The following MRPS6 variants were observed in gnomAD, a reference collection of about 807,000 sequenced individuals.
The protein encoded by MRPS6 is mitochondrial ribosomal protein S6.
Under a neutral mutation model 13.1 loss-of-function variants are expected in MRPS6, and 6 were observed. That is an observed-to-expected ratio of 0.46 (90% CI 0.25 to 0.91). MRPS6 has a LOEUF of 0.91. MRPS6 is among the 40% of genes least tolerant of loss of function. MRPS6 has a pLI of 0.18. For missense variants in MRPS6, 164 were observed against 155.6 expected, an observed-to-expected ratio of 1.05 and a Z score of -0.29; for synonymous variants, 61 against 56.5, an observed-to-expected ratio of 1.08 and a Z score of -0.36.
chr21:34,081,137 A>G (rs1989449644), intron 1 of MRPS6, among the ~76,000 whole-genome samples: 6 of 152,142 alleles, frequency 3.9e-5, no homozygotes, highest in Admixed American at 3.9e-4. Context: ...AAGAAAAATA[A>G]CTAGGAGGAT....
intron 1 of MRPS6, among the ~76,000 whole-genome samples, chr21:34,078,426 C>A (rs1339380837): frequency 1.3e-5 from 2 of 152,080 alleles, no homozygotes; most frequent in Non-Finnish European, 2.9e-5. Context: ...CCTTCCTCAC[C>A]AGATATGGTT....
At chr21:34,100,521 T>G in intron 1 of MRPS6, 1 of 1,000,264 alleles carries the variant, frequency 1.0e-6, no homozygotes, top group Non-Finnish European at 1.2e-6. Flanking sequence ...CTCCTAGGGC[T>G]TCCTTTTCAC....
intron 1 of MRPS6, chr21:34,123,450 A>G (rs563338130): frequency 1.3e-5 from 2 of 152,068 alleles, no homozygotes; most frequent in Admixed American, 6.5e-5. Flanking sequence ...GATGGTTTCC[A>G]CAGCTTTCCT....
intron 1 of MRPS6, chr21:34,122,034 C>G (rs1259773139): frequency 6.6e-6 from 1 of 152,226 alleles, no homozygotes; most frequent in African/African-American, 2.4e-5. Flanking sequence ...GTCAGTGGCC[C>G]AGGCTCATGG....
chr21:34,093,749 T>A (rs1006329632), intron 1 of MRPS6, among the ~76,000 whole-genome samples: 3 of 152,348 alleles, frequency 2.0e-5, no homozygotes, highest in African/African-American at 7.2e-5. Context: ...TATTTGTCTC[T>A]TTTTCAGGAG....
chr21:34,128,471 A>C (rs1980385915), intron 2 of MRPS6, among the ~76,000 whole-genome samples: 1 of 152,180 alleles, frequency 6.6e-6, no homozygotes, highest in African/African-American at 2.4e-5. Flanking sequence ...AAATCTGCCC[A>C]GAGGAGGAGG....
At chr21:34,121,002 C>T (rs1279121570) in intron 1 of MRPS6, among the ~76,000 whole-genome samples, 1 of 150,954 alleles carries the variant, frequency 6.6e-6, no homozygotes, top group African/African-American at 2.5e-5. Flanking sequence ...GTACAATTAG[C>T]ACAGCTATTT....
At chr21:34,103,403 G>T in intron 1 of MRPS6, 1 of 994,886 alleles carries the variant, frequency 1.0e-6, no homozygotes, top group Non-Finnish European at 1.2e-6. Context: ...TTCTGTATTT[G>T]TGTTGTAGCC....
In MRPS6 at chr21:34,142,701, G is replaced by T. The variant is rs1980946874; in HGVS notation, c.*101G>T. The T allele has an allele frequency of 7.6e-6, 10 of 1,323,424 alleles. No homozygotes were observed. The highest frequency in any genetic ancestry group is 9.9e-6 in the Non-Finnish European group (10 of 1,012,936). 82.0% of individuals were successfully genotyped at this position (1,323,424 alleles called of 1,614,324 possible). ...AAGTTTGGCCTTTATATAAGCATGT[G>T]TTGCAGGTGCTGTTTGATTTTTCTA... On this transcript the variant is annotated 3_prime_UTR_variant, in exon 3 of 3. Coordinates refer to ENST00000399312, the MANE Select transcript of MRPS6 (RefSeq NM_032476.4).
intron 1 of MRPS6, among the ~76,000 whole-genome samples, chr21:34,079,176 CAGTTGAAT>C (rs1294184617): frequency 6.6e-6 from 1 of 152,110 alleles, no homozygotes; most frequent in East Asian, 1.9e-4. Flanking sequence ...AAAGATTTTA[CAGTTGAAT>C]AGGTGGGGAA....
intron 1 of MRPS6, among the ~76,000 whole-genome samples, chr21:34,079,392 T>G (rs1290024647): frequency 6.6e-6 from 1 of 152,144 alleles, no homozygotes; most frequent in Non-Finnish European, 1.5e-5. Flanking sequence ...CTTGGCTTCT[T>G]ATGCTGCTGT....
chr21:34,098,657 G>A (rs1278752165), intron 1 of MRPS6: 2 of 1,000,128 alleles, frequency 2.0e-6, no homozygotes, highest in Admixed American at 1.2e-4. Context: ...TGCCAAACAA[G>A]AACTTTTGGG....
intron 2 of MRPS6, among the ~76,000 whole-genome samples, chr21:34,142,077 A>G (rs933244246): frequency 2.6e-5 from 4 of 152,216 alleles, no homozygotes; most frequent in East Asian, 1.9e-4. Context: ...AGTCTCGTCA[A>G]TGGATTAGAA....
chr21:34,101,716 T>G, intron 1 of MRPS6: 1 of 997,050 alleles, frequency 1.0e-6, no homozygotes, highest in Non-Finnish European at 1.2e-6. Flanking sequence ...TTGAGGACTT[T>G]TAGATCCAAA....
chr21:34,096,413 G>C lies in MRPS6; in HGVS notation c.45+22668G>C. 4 of 1,614,200 alleles carry C rather than the reference G, an allele frequency of 2.5e-6. No homozygotes were observed. The highest frequency in any genetic ancestry group is 3.4e-6 in the Non-Finnish European group (4 of 1,180,030). On this transcript the variant is annotated intron_variant, in intron 1 of 2. Transcript: ENST00000399312. The surrounding 1 kb of genome is among the most constrained non-coding windows in gnomAD (Gnocchi z 5.9). ...TTATCCGCAAGAGCGCAAGCTCCCG[G>C]GAGTTAATGATTGTGGGGAGGATAT... is the stretch of plus-strand genomic sequence containing the variant.
At chr21:34,117,090 A>G (rs994547813) in intron 1 of MRPS6, among the ~76,000 whole-genome samples, 2 of 152,184 alleles carry the variant, frequency 1.3e-5, no homozygotes, top group Non-Finnish European at 2.9e-5. Context: ...ATTAATATAC[A>G]TTGCCAAATT....
At chr21:34,095,673 T>C in intron 1 of MRPS6, 1 of 1,613,956 alleles carries the variant, frequency 6.2e-7, no homozygotes, top group South Asian at 1.1e-5. Flanking sequence ...TTGGAATCTT[T>C]ATGTGTCTGT....
intron 1 of MRPS6, among the ~76,000 whole-genome samples, chr21:34,109,807 GA>G (rs529165691): frequency 0.014 from 2,016 of 145,590 alleles, 51 homozygotes; most frequent in African/African-American, 0.046. Flanking sequence ...GGTTGTACCT[GA>G]AAAAAAAAAA....
chr21:34,118,474 C>T (rs1980005507), intron 1 of MRPS6, among the ~76,000 whole-genome samples: 1 of 151,736 alleles, frequency 6.6e-6, no homozygotes, highest in South Asian at 2.1e-4. Flanking sequence ...GTTCCTGTCT[C>T]TTCTTTCCCC....
Sources: gnomAD v4.1 joint callset for allele counts (sites outside exome capture counted in the v4.1 genomes callset) on GRCh38, gnomAD v4.1.1 for gene constraint, Gnocchi (gnomAD v3.1) non-coding constraint, MANE v1.5 for transcripts, NCBI Gene and HGNC (gene_info 2026-07-23, HGNC 2026-07-21) for gene names.